CDH13: variants seen among roughly 807,000 people sequenced by gnomAD.
CDH13 encodes the protein cadherin-13.
In CDH13, 24 loss-of-function variants were observed where a neutral mutation model predicts 63.8. The observed-to-expected ratio is 0.38, with a 90% CI of 0.27 to 0.53. CDH13 has a LOEUF of 0.53. Ranked by LOEUF, CDH13 falls within the 20% of genes least tolerant of loss-of-function variation. The pLI is 0.85. For synonymous variants in CDH13, 503 were observed against 355.3 expected (o/e 1.42, Z -4.67); for missense variants, 1,049 against 903.1 (o/e 1.16, Z -2.07).
intron 5 of CDH13, among the ~76,000 whole-genome samples, chr16:83,302,231 C>T (rs1267892531): frequency 6.6e-6 from 1 of 152,140 alleles, no homozygotes; most frequent in Non-Finnish European, 1.5e-5. Context: ...TAATTTTAAG[C>T]CCCGCTTTTA....
intron 2 of CDH13, among the ~76,000 whole-genome samples, chr16:82,934,881 A>C (rs1292764026): frequency 6.6e-6 from 1 of 152,216 alleles, no homozygotes; most frequent in Non-Finnish European, 1.5e-5. Flanking sequence ...GGTCAAAGCC[A>C]TTCAACAAGT....
intron 7 of CDH13, among the ~76,000 whole-genome samples, chr16:83,551,861 T>A (rs1440843103): frequency 1.3e-5 from 2 of 152,170 alleles, no homozygotes; most frequent in African/African-American, 2.4e-5. Flanking sequence ...GCAACTAATA[T>A]GGTTCCTGGC....
intron 5 of CDH13, among the ~76,000 whole-genome samples, chr16:83,289,508 C>T (rs1226631172): frequency 6.6e-6 from 1 of 152,180 alleles, no homozygotes; most frequent in Non-Finnish European, 1.5e-5. Context: ...CGTTGAGAAG[C>T]ACTGCTCTAA....
intron 6 of CDH13, among the ~76,000 whole-genome samples, chr16:83,379,334 G>A (rs529680888): frequency 1.3e-5 from 2 of 152,238 alleles, no homozygotes; most frequent in East Asian, 1.9e-4. Context: ...TTCTACGTCC[G>A]GTGTCTTCCA....
At chr16:82,853,178 AATC>A (rs1344406453) in intron 1 of CDH13, among the ~76,000 whole-genome samples, 1 of 152,198 alleles carries the variant, frequency 6.6e-6, no homozygotes, top group Non-Finnish European at 1.5e-5. Context: ...AACACAACTC[AATC>A]ATATCAGGCA....
intron 11 of CDH13, among the ~76,000 whole-genome samples, chr16:83,774,517 C>T (rs2151001891): frequency 6.6e-6 from 1 of 152,230 alleles, no homozygotes; most frequent in Non-Finnish European, 1.5e-5. Context: ...GGATTACAGG[C>T]ACGTGCCATC....
chr16:83,223,911 TG>T (rs2039772776), intron 5 of CDH13, among the ~76,000 whole-genome samples: 1 of 152,086 alleles, frequency 6.6e-6, no homozygotes, highest in Non-Finnish European at 1.5e-5. Context: ...AGTGGTGGTT[TG>T]TAAGATTTTG....
chr16:83,165,023 C>T (rs979657809), intron 4 of CDH13, among the ~76,000 whole-genome samples: 1 of 151,572 alleles, frequency 6.6e-6, no homozygotes, highest in African/African-American at 2.4e-5. Context: ...ACACTCTCTG[C>T]CCAGAGCCCA....
chr16:83,247,450 C>G (rs560401185), intron 5 of CDH13, among the ~76,000 whole-genome samples: 1 of 152,066 alleles, frequency 6.6e-6, no homozygotes, highest in South Asian at 2.1e-4. Flanking sequence ...ATTTTTATTT[C>G]TGCTGAACTC....
intron 3 of CDH13, among the ~76,000 whole-genome samples, chr16:83,079,359 TTGCCTC>T (rs1303360912): frequency 1.3e-5 from 2 of 152,200 alleles, no homozygotes; most frequent in African/African-American, 2.4e-5. Flanking sequence ...TATGATAACT[TTGCCTC>T]TGACACAAAA....
At chr16:83,659,291 C>T (rs1913219060) in intron 8 of CDH13, among the ~76,000 whole-genome samples, 1 of 147,880 alleles carries the variant, frequency 6.8e-6, no homozygotes, top group Non-Finnish European at 1.5e-5. Flanking sequence ...ATGTCCTCAC[C>T]ACCAGGTCCC....
At chr16:83,114,025 C>T (rs902494206) in intron 3 of CDH13, among the ~76,000 whole-genome samples, 1 of 152,166 alleles carries the variant, frequency 6.6e-6, no homozygotes, top group Non-Finnish European at 1.5e-5. Flanking sequence ...GGAGTTAACT[C>T]TCCAATTTCA....
chr16:83,782,628 C>T (rs538958781), intron 12 of CDH13, among the ~76,000 whole-genome samples: 4 of 151,170 alleles, frequency 2.6e-5, no homozygotes, highest in East Asian at 2.0e-4. Flanking sequence ...CCCAGCTACT[C>T]GGGAGGCTAA....
At chr16:83,087,096 C>G (rs1288170925) in intron 3 of CDH13, among the ~76,000 whole-genome samples, 1 of 152,140 alleles carries the variant, frequency 6.6e-6, no homozygotes, top group Non-Finnish European at 1.5e-5. Context: ...AAAAAACAAT[C>G]AATGAACCAA....
intron 2 of CDH13, among the ~76,000 whole-genome samples, chr16:82,910,753 A>T (rs952318701): frequency 2.6e-5 from 4 of 152,196 alleles, no homozygotes; most frequent in African/African-American, 9.6e-5. Context: ...CACAGTGTTT[A>T]AAAGGATTAC....
At position 83,252,616 on chromosome 16, in the gene CDH13, C is replaced by G. The variant is rs1310067206; in HGVS notation, c.636+35119C>G. 4.6e-5 allele frequency among the ~76,000 whole-genome samples: 7 copies of G among 152,242 alleles called. No individual in the cohort carries two copies. In the South Asian group the frequency reaches 1.5e-3, roughly 32 times the overall value. On this transcript the variant is annotated intron_variant, in intron 5 of 13. Coordinates refer to ENST00000567109, the MANE Select transcript of CDH13 (RefSeq NM_001257.5). The stretch of plus-strand genomic sequence containing the variant: ...GTCACCAAGTGCTGGCCGTTGGTGT[C>G]TCAGCCACAGTGGGAAGCTCAGCAC...
chr16:82,931,713 G>A (rs892320658), intron 2 of CDH13, among the ~76,000 whole-genome samples: 1 of 152,124 alleles, frequency 6.6e-6, no homozygotes, highest in African/African-American at 2.4e-5. Flanking sequence ...CAGCAGACAA[G>A]AGAGAAAATG....
chr16:82,858,510 C>G (rs1567607051), intron 2 of CDH13, 37 bp downstream of exon 2: 3 of 1,213,776 alleles, frequency 2.5e-6, no homozygotes, highest in Non-Finnish European at 3.7e-6. Context: ...TTAGACTCTT[C>G]TCATATTTGA....
intron 1 of CDH13, among the ~76,000 whole-genome samples, chr16:82,834,447 C>T (rs1339995847): frequency 6.6e-6 from 1 of 152,028 alleles, no homozygotes; most frequent in Non-Finnish European, 1.5e-5. Flanking sequence ...AGTCATACAG[C>T]CATAAGAAAG....
Sources: allele counts gnomAD v4.1 joint callset (sites outside exome capture counted in the v4.1 genomes callset), GRCh38; gene constraint gnomAD v4.1.1; transcripts MANE v1.5; gene names NCBI Gene and HGNC (gene_info 2026-07-23, HGNC 2026-07-21).